Variants in TMC5 observed in about 807,000 individuals in gnomAD.
TMC5 encodes the protein transmembrane channel like 5, also known as transmembrane channel-like protein 5.
Under a neutral mutation model 110.5 loss-of-function variants are expected in TMC5, and 86 were observed. The observed-to-expected ratio is 0.78, with a 90% confidence interval of 0.65 to 0.93. TMC5 has a LOEUF of 0.93. Among genes scored for constraint, TMC5 ranks in the 40% least tolerant of loss-of-function variants. The pLI, the probability that TMC5 is intolerant of heterozygous loss-of-function variation, is 0.00. For missense variants in TMC5, 1,144 were observed against 1,222.8 expected, an observed-to-expected ratio of 0.94 and a Z score of 0.96; for synonymous variants, 455 against 439.5, an observed-to-expected ratio of 1.04 and a Z score of -0.44.
intron 20 of TMC5, among the ~76,000 whole-genome samples, chr16:19,496,510 T>G (rs1026635726): frequency 1.3e-5 from 2 of 152,190 alleles, no homozygotes; most frequent in African/African-American, 4.8e-5. Context: ...AGGTAGATTC[T>G]CTGAAGGTGA....
At chr16:19,495,925 G>A (rs1440271074) in intron 20 of TMC5, among the ~76,000 whole-genome samples, 1 of 152,054 alleles carries the variant, frequency 6.6e-6, no homozygotes, top group Non-Finnish European at 1.5e-5. Context: ...CTTGAGGTCA[G>A]GGGTTCGAGA....
rs200392049 is a variant in TMC5, at chr16:19,440,417, G to C, written c.379G>C (p.Asp127His). ...PYHRASSRQP[D>H]YPGSQRNPDF... ...CCACCGAGCATCATCCAGACAACCA[G>C]ACTACCCTGGATCTCAACGAAATCC... Residue 127 changes from aspartate (D) to histidine (H), a missense_variant, in exon 3 of 22, where the codon GAC becomes CAC. By Grantham distance (81) the Asp-to-His change is moderately conservative (BLOSUM62 -1). Transcript: ENST00000542583. The C allele has an allele frequency of 3.3e-5, 53 of 1,613,904 alleles. No individual in the cohort carries two copies. Among genetic ancestry groups the C allele is most frequent in the Non-Finnish European group, 4.5e-5 (53 of 1,180,040 alleles).
At position 19,487,345 on chromosome 16, in the gene TMC5, G is replaced by A; in HGVS notation, c.2573+19G>A. ...TCTGGAGGTAGGAGAAGGTGGCCTT[G>A]GGGGAGGTTTTAGAGACTGGGTGGA... On this transcript the variant is annotated intron_variant, in intron 17 of 21. Coordinates refer to ENST00000542583, the MANE Select transcript of TMC5 (RefSeq NM_001261841.2). The A allele has an allele frequency of 6.2e-7, 1 of 1,607,796 alleles. No homozygotes were observed. The highest frequency in any genetic ancestry group is 8.5e-7 in the Non-Finnish European group (1 of 1,177,702).
chr16:19,462,513 C>T (rs1364855011), intron 6 of TMC5: 2 of 701,936 alleles, frequency 2.8e-6, no homozygotes, highest in Non-Finnish European at 5.2e-6. Flanking sequence ...CAGGGGAGGC[C>T]TCACAATCAC....
At chr16:19,437,180 A>C (rs987626316) in intron 2 of TMC5, among the ~76,000 whole-genome samples, 7 of 152,210 alleles carry the variant, frequency 4.6e-5, no homozygotes, top group Non-Finnish European at 1.5e-5. Context: ...GTCTCAAAAA[A>C]TAAAATAAAG....
chr16:19,412,194 CCGAGTAGCTGGGACCA>C (rs1966857271), intron 1 of TMC5, among the ~76,000 whole-genome samples: 1 of 151,768 alleles, frequency 6.6e-6, no homozygotes, highest in Non-Finnish European at 1.5e-5. Context: ...CCTCAGCCTC[CCGAGTAGCTGGGACCA>C]AAGGCACGCA....
At chr16:19,475,579 G>A (rs547054923) in intron 12 of TMC5, among the ~76,000 whole-genome samples, 98 of 152,150 alleles carry the variant, frequency 6.4e-4, no homozygotes, top group African/African-American at 2.3e-3. Context: ...GCCTGTCCCC[G>A]TCACAGACCT....
chr16:19,455,989 C>T (rs529161968), intron 5 of TMC5, among the ~76,000 whole-genome samples: 8 of 152,082 alleles, frequency 5.3e-5, no homozygotes, highest in Non-Finnish European at 1.2e-4. Flanking sequence ...AGGAGGATCA[C>T]GAGGTCAGGA....
intron 15 of TMC5, among the ~76,000 whole-genome samples, chr16:19,484,736 G>C (rs1355347213): frequency 6.8e-6 from 1 of 147,754 alleles, no homozygotes; most frequent in Non-Finnish European, 1.5e-5. Context: ...CTGCACTCCA[G>C]CCTGGAGATA....
chr16:19,467,243 C>T (rs1433025417), intron 9 of TMC5, among the ~76,000 whole-genome samples: 1 of 152,124 alleles, frequency 6.6e-6, no homozygotes, highest in Non-Finnish European at 1.5e-5. Context: ...GTTTAAACAA[C>T]AGAAATTTAT....
At chr16:19,485,136 A>G (rs78424077) in intron 15 of TMC5, among the ~76,000 whole-genome samples, 1 of 144,822 alleles carries the variant, frequency 6.9e-6, no homozygotes, top group African/African-American at 2.6e-5. Flanking sequence ...TTTTACTCAA[A>G]TAAGTTTTTT....
chr16:19,494,084 T>C (rs1475964), intron 19 of TMC5, among the ~76,000 whole-genome samples, 178 bp from the exon 20 acceptor site: 96,563 of 151,952 alleles, frequency 0.64, 32,253 homozygotes, highest in South Asian at 0.76. Context: ...GGGGATAATT[T>C]GGTTTTACTG....
chr16:19,439,289 C>T (rs1455651566), intron 2 of TMC5, among the ~76,000 whole-genome samples: 1 of 152,152 alleles, frequency 6.6e-6, no homozygotes, highest in Admixed American at 6.5e-5. Flanking sequence ...TAGCAATTGT[C>T]TACTTACCCT....
At position 19,487,317 on chromosome 16, in the gene TMC5, C is replaced by T. The variant is rs138670843; in HGVS notation, c.2564C>T (p.Thr855Ile). The change falls in exon 17 of 22, where the codon ACC becomes ATC. Residue 855 changes from threonine to isoleucine, a missense_variant. Coordinates refer to ENST00000542583, the MANE Select transcript of TMC5 (RefSeq NM_001261841.2). ...GGGGTCTTGTGCACCCTGGCCATCA[C>T]CATCTGGAGGTAGGAGAAGGTGGCC... is the stretch of plus-strand genomic sequence containing the variant. ...FTGVLCTLAI[T>I]IWRLKPSADC... The T allele has an allele frequency of 1.8e-4, 295 of 1,613,078 alleles. No individual in the cohort carries two copies. Among genetic ancestry groups the T allele is most frequent in the Non-Finnish European group, 2.3e-4 (266 of 1,179,646 alleles).
chr16:19,414,318 G>A (rs1421797257), upstream of TMC5, among the ~76,000 whole-genome samples: 1 of 151,980 alleles, frequency 6.6e-6, no homozygotes, highest in Non-Finnish European at 1.5e-5. Flanking sequence ...GACTGTTCCT[G>A]TTGTTTTCTC....
chr16:19,449,838 C>T (rs1233234554), intron 5 of TMC5, among the ~76,000 whole-genome samples: 1 of 132,288 alleles, frequency 7.6e-6, no homozygotes, highest in Non-Finnish European at 1.5e-5. Flanking sequence ...TCTCCTGCCC[C>T]CATGTAAGAT....
At chr16:19,473,368 A>C (rs1396434283) in intron 11 of TMC5, among the ~76,000 whole-genome samples, 108 of 143,614 alleles carry the variant, frequency 7.5e-4, no homozygotes, top group Non-Finnish European at 1.4e-3. Flanking sequence ...AAAAAAAAAA[A>C]AAAAAAAAAA....
chr16:19,468,415 T>C (rs1159656209), intron 9 of TMC5, among the ~76,000 whole-genome samples: 1 of 152,138 alleles, frequency 6.6e-6, no homozygotes, highest in Non-Finnish European at 1.5e-5. Context: ...AGTGCCTTCA[T>C]CAAGTGCTTG....
intron 17 of TMC5, among the ~76,000 whole-genome samples, chr16:19,489,166 C>T (rs1364506425): frequency 6.6e-6 from 1 of 152,038 alleles, no homozygotes; most frequent in Admixed American, 6.6e-5. Flanking sequence ...CCTCTTTATG[C>T]TTCTTAATTC....
Sources: allele counts gnomAD v4.1 joint callset (sites outside exome capture counted in the v4.1 genomes callset), GRCh38; gene constraint gnomAD v4.1.1; transcripts MANE v1.5; gene names NCBI Gene and HGNC (gene_info 2026-07-23, HGNC 2026-07-21).